Variants in HERPUD2 observed in about 807,000 individuals in gnomAD.
HERPUD2 encodes the protein homocysteine-responsive endoplasmic reticulum-resident ubiquitin-like domain member 2 protein.
A neutral mutation model predicts 49.9 loss-of-function variants in HERPUD2; 13 were observed. The ratio of observed to expected loss-of-function variants is 0.26; its 90% CI spans 0.17 to 0.41. HERPUD2 has a LOEUF of 0.41. Ranked by LOEUF, HERPUD2 falls within the 10% of genes least tolerant of loss-of-function variation. The pLI is 1.00. For synonymous variants in HERPUD2, 172 were observed against 171.4 expected (o/e 1.00, Z -0.03); for missense variants, 449 against 492.2 (o/e 0.91, Z 0.83).
chr7:35,685,870 A>T (rs926460036), intron 2 of HERPUD2, among the ~76,000 whole-genome samples: 1 of 151,916 alleles, frequency 6.6e-6, no homozygotes, highest in African/African-American at 2.4e-5. Flanking sequence ...CTGAGGCTGG[A>T]GAATCGCTTG....
chr7:35,681,032 G>C (rs1185665190), intron 2 of HERPUD2, among the ~76,000 whole-genome samples: 5 of 152,028 alleles, frequency 3.3e-5, no homozygotes, highest in Non-Finnish European at 7.4e-5. Flanking sequence ...ATGTAATCGT[G>C]AAAAACAGAA....
At chr7:35,647,051 T>C (rs1785066961) in intron 5 of HERPUD2, among the ~76,000 whole-genome samples, 1 of 152,044 alleles carries the variant, frequency 6.6e-6, no homozygotes, top group Admixed American at 6.6e-5. Flanking sequence ...ACAATCATCG[T>C]AGGTTTTAAA....
chr7:35,639,937 T>C (rs1784941211), intron 5 of HERPUD2, among the ~76,000 whole-genome samples: 1 of 152,116 alleles, frequency 6.6e-6, no homozygotes. Flanking sequence ...TAATATTTTA[T>C]ATATATTTCC....
chr7:35,641,955 T>C (rs946475558), intron 5 of HERPUD2, among the ~76,000 whole-genome samples: 19 of 152,178 alleles, frequency 1.2e-4, no homozygotes, highest in Admixed American at 1.2e-3. Context: ...AAAGCAAAAA[T>C]TGACACATGG....
intron 5 of HERPUD2, among the ~76,000 whole-genome samples, chr7:35,656,176 TA>T (rs1195795324): frequency 6.6e-6 from 1 of 151,046 alleles, no homozygotes; most frequent in African/African-American, 2.4e-5. Flanking sequence ...AAAATAAAAT[TA>T]AAAAAAGAAA....
intron 5 of HERPUD2, among the ~76,000 whole-genome samples, chr7:35,645,705 C>T (rs71535825): frequency 1.2e-3 from 182 of 152,246 alleles, no homozygotes; most frequent in Middle Eastern, 3.4e-3. Context: ...TTCCAAGACC[C>T]TATCGTGATT....
chr7:35,639,681 GA>G (rs1417807253), intron 5 of HERPUD2, among the ~76,000 whole-genome samples: 1 of 152,134 alleles, frequency 6.6e-6, no homozygotes, highest in African/African-American at 2.4e-5. Context: ...AGTGAGACAA[GA>G]ATAAATTCAT....
intron 2 of HERPUD2, among the ~76,000 whole-genome samples, chr7:35,685,326 T>G (rs1385023636): frequency 1.0e-4 from 2 of 20,072 alleles, no homozygotes; most frequent in Admixed American, 8.8e-4. Flanking sequence ...ATTTTTTTTG[T>G]TTTTTTTTTT....
In HERPUD2 at chr7:35,638,423, C is replaced by A. The variant is rs753438859; in HGVS notation, c.544G>T (p.Val182Leu). ...PGQAAPPGFP[V>L]YPAFSPLQML... ...TGCAGTGGGCTAAACGCGGGATACA[C>A]TGGGAATCCAGGTGGAGCAGCTTGC... is the stretch of plus-strand genomic sequence containing the variant. Residue 182 changes from valine to leucine, a missense_variant, in exon 6 of 9, where the codon GTG becomes TTG. By Grantham distance (32) the Val-to-Leu change is conservative. Transcript: ENST00000311350. The A allele has an allele frequency of 5.6e-6, 9 of 1,613,562 alleles. No homozygotes were observed. The highest frequency in any genetic ancestry group is 7.6e-6 in the Non-Finnish European group (9 of 1,179,674).
chr7:35,635,343 G>C lies in HERPUD2; in HGVS notation c.733C>G (p.Leu245Val). 1 of 1,614,144 alleles carries C rather than the reference G, an allele frequency of 6.2e-7. No individual in the cohort carries two copies. The highest frequency in any genetic ancestry group is 1.7e-5 in the Admixed American group (1 of 60,018). ...PGEEPPPAPN[L>V]VAQENRPMNE... ...ATGGGTCGATTTTCTTGGGCCACTA[G>C]GTTTGGAGCTGGTGGGGGTTCTTCT... The change falls in exon 7 of 9, where the codon CTA becomes GTA. Residue 245 changes from leucine (L) to valine (V), a missense_variant. Physicochemically the swap from Leu to Val is conservative, Grantham distance 32. Transcript: ENST00000311350.
At chr7:35,673,105 G>A (rs1262585017) in intron 3 of HERPUD2, 96 bp downstream of exon 3, 1 of 815,550 alleles carries the variant, frequency 1.2e-6, no homozygotes, top group African/African-American at 1.7e-5. Context: ...TTGATTTTAA[G>A]TATCTAAAAA....
Position 35,676,165 on chromosome 7 carries a change from T to G in HERPUD2, c.148-2887A>C, listed in dbSNP as rs148007272. Among the ~76,000 whole-genome samples the G allele has an allele frequency of 7.3e-3, 1,115 of 152,348 alleles. 14 individuals carry two copies. The highest frequency in any genetic ancestry group is 0.026 in the African/African-American group (1,078 of 41,576). On this transcript the variant is annotated intron_variant, in intron 2 of 8. Transcript: ENST00000311350. ...ACAAAATTTGACTGTTATGCCTCTT[T>G]TAATCTTTTAACAGTTTCTATTTTT...
chr7:35,686,110 G>C (rs939966699), intron 2 of HERPUD2, among the ~76,000 whole-genome samples: 6 of 152,026 alleles, frequency 3.9e-5, no homozygotes, highest in African/African-American at 1.2e-4. Context: ...GAGACTTTGA[G>C]ATCTCAACTC....
chr7:35,668,246 T>C (rs1221200449), intron 4 of HERPUD2, among the ~76,000 whole-genome samples: 12 of 152,196 alleles, frequency 7.9e-5, no homozygotes, highest in African/African-American at 2.9e-4. Flanking sequence ...TTTATAGAAA[T>C]CACCAACAAA....
chr7:35,693,853 G>A (rs1348709938), intron 2 of HERPUD2, among the ~76,000 whole-genome samples: 5 of 152,158 alleles, frequency 3.3e-5, no homozygotes, highest in African/African-American at 1.2e-4. Context: ...GGTAAGGCTG[G>A]TCTCGAACTC....
chr7:35,633,550 A>T lies in HERPUD2; in HGVS notation c.*140T>A. On this transcript the variant is annotated 3_prime_UTR_variant, in exon 9 of 9. Coordinates refer to ENST00000311350, the MANE Select transcript of HERPUD2 (RefSeq NM_022373.5). Reference sequence around the variant, plus strand: ...GTCCATTCGTGCTTAAAATATTCATATGCATGAGAAGCCTAAAGAAAAAAA... The same window carrying T: ...GTCCATTCGTGCTTAAAATATTCATTTGCATGAGAAGCCTAAAGAAAAAAA... 1.8e-6 allele frequency: 1 copy of T among 571,294 alleles called. No individual in the cohort carries two copies. The highest frequency in any genetic ancestry group is 3.6e-5 in the Admixed American group (1 of 27,880). 35.4% of individuals were successfully genotyped at this position (571,294 alleles called of 1,614,324 possible). A position where few individuals can be genotyped will look rare whatever the true frequency, so the allele number is the denominator to read the frequency against.
intron 5 of HERPUD2, among the ~76,000 whole-genome samples, chr7:35,646,362 G>C (rs1010184325): frequency 6.6e-6 from 1 of 151,866 alleles, no homozygotes; most frequent in African/African-American, 2.4e-5. Flanking sequence ...AGGAGTTTGA[G>C]ACCAGCCTAA....
At chr7:35,635,515 T>A (rs542711530) in intron 6 of HERPUD2, 57 bp from the exon 7 acceptor site, 1 of 1,428,406 alleles carries the variant, frequency 7.0e-7, no homozygotes, top group Admixed American at 2.3e-5. Flanking sequence ...CCATACCATA[T>A]TTTTTTAAAC....
At chr7:35,688,753 T>G (rs1030471287) in intron 2 of HERPUD2, among the ~76,000 whole-genome samples, 2 of 152,168 alleles carry the variant, frequency 1.3e-5, no homozygotes, top group African/African-American at 4.8e-5. Context: ...ATAACTGAGA[T>G]GGCTGAGTCC....
Sources: gnomAD v4.1 joint callset for allele counts (sites outside exome capture counted in the v4.1 genomes callset) on GRCh38, gnomAD v4.1.1 for gene constraint, MANE v1.5 for transcripts, NCBI Gene and HGNC (gene_info 2026-07-23, HGNC 2026-07-21) for gene names.